Variants in CYFIP1 observed in about 807,000 individuals in gnomAD.
CYFIP1 encodes the protein cytoplasmic FMR1 interacting protein 1.
In CYFIP1, 58 loss-of-function variants were observed where a neutral mutation model predicts 163.5. The observed-to-expected ratio is 0.35, with a 90% CI of 0.29 to 0.44. The LOEUF (loss-of-function observed/expected upper bound fraction) is 0.44. Ranked by LOEUF, CYFIP1 falls within the 20% of genes least tolerant of loss-of-function variation. The pLI is 1.00. For missense variants in CYFIP1, 1,338 were observed against 1,653.8 expected (o/e 0.81, Z 3.31); for synonymous variants, 663 against 660.7 (o/e 1.00, Z -0.05).
Position 22,903,735 on chromosome 15 carries a change from G to C in CYFIP1, c.2559C>G (p.Pro853=), listed in dbSNP as rs1342053216. The part of the protein sequence containing the change: ...VFWELNYDFL[P]NYCYNGSTNR... ...TGGTAGAGCCGTTGTAGCAGTAGTT[G>C]GGCAGGAAGTCATAGTTGAGCTCCC... Residue 853 remains proline (P), a synonymous_variant, in exon 22 of 31, where the codon CCC becomes CCG. Transcript: ENST00000617928. The C allele has an allele frequency of 6.2e-7, 1 of 1,613,986 alleles. No individual in the cohort carries two copies. Among genetic ancestry groups the C allele is most frequent in the Admixed American group, 1.7e-5 (1 of 60,026 alleles).
intron 6 of CYFIP1, among the ~76,000 whole-genome samples, chr15:22,939,962 C>T (rs1411684956): frequency 6.6e-6 from 1 of 152,206 alleles, no homozygotes; most frequent in Non-Finnish European, 1.5e-5. Context: ...ACCACACCTC[C>T]CCAGGCCACC....
At chr15:22,871,872 A>T (rs1256691468) in intron 30 of CYFIP1, among the ~76,000 whole-genome samples, 1 of 152,190 alleles carries the variant, frequency 6.6e-6, no homozygotes, top group Admixed American at 6.5e-5. Context: ...CACTGGCCCC[A>T]TGAGACTGAG....
At chr15:22,899,652 TTTCTTTTGTAAATCG>T (rs1566943700) in intron 22 of CYFIP1, among the ~76,000 whole-genome samples, 2 of 152,208 alleles carry the variant, frequency 1.3e-5, no homozygotes. Context: ...ATTAAACCTC[TTTCTTTTGTAAATCG>T]CCCAGCCTCA....
chr15:22,933,113 C>A (rs2061591820), intron 10 of CYFIP1, among the ~76,000 whole-genome samples: 2 of 152,016 alleles, frequency 1.3e-5, no homozygotes, highest in Non-Finnish European at 2.9e-5. Context: ...GGATTACAGG[C>A]ATGAGCCACC....
At chr15:22,936,692 T>C (rs574144949) in intron 9 of CYFIP1, among the ~76,000 whole-genome samples, 9 of 152,176 alleles carry the variant, frequency 5.9e-5, no homozygotes, top group Non-Finnish European at 1.3e-4. Flanking sequence ...CTGCACTGTT[T>C]GGACGCGCCA....
intron 30 of CYFIP1, among the ~76,000 whole-genome samples, chr15:22,871,413 G>T (rs1011800543): frequency 6.6e-6 from 1 of 152,232 alleles, no homozygotes; most frequent in Non-Finnish European, 1.5e-5. Context: ...TATTTTCAGA[G>T]TAAAAGCTCA....
intron 14 of CYFIP1, among the ~76,000 whole-genome samples, chr15:22,918,436 C>T (rs577951532): frequency 3.3e-5 from 5 of 152,242 alleles, no homozygotes; most frequent in African/African-American, 4.8e-5. Flanking sequence ...ACAGGCACCG[C>T]GAGCCTGGGA....
chr15:22,938,598 C>T (rs1054614185), intron 8 of CYFIP1, among the ~76,000 whole-genome samples: 1 of 151,468 alleles, frequency 6.6e-6, no homozygotes, highest in African/African-American at 2.4e-5. Flanking sequence ...GAGCAAAGCC[C>T]TGTCTCAAAA....
intron 21 of CYFIP1, 109 bp downstream of exon 21, chr15:22,909,085 G>A (rs959817570): frequency 1.5e-6 from 2 of 1,363,572 alleles, no homozygotes; most frequent in African/African-American, 1.4e-5. Context: ...ATCTATACAA[G>A]AGGCTTGGTA....
chr15:22,883,909 A>C (rs1050332564), intron 23 of CYFIP1, among the ~76,000 whole-genome samples: 62 of 152,216 alleles, frequency 4.1e-4, no homozygotes, highest in African/African-American at 1.5e-3. Context: ...TGCAGAAGGT[A>C]AAGGGGAAGC....
At chr15:22,938,366 G>A (rs1168221450) in intron 8 of CYFIP1, among the ~76,000 whole-genome samples, 1 of 152,156 alleles carries the variant, frequency 6.6e-6, no homozygotes, top group Non-Finnish European at 1.5e-5. Context: ...CACTTTGCGG[G>A]GGACAAGGCA....
rs778409253 is a variant in CYFIP1, at chr15:22,917,750, C to G, written c.1674+38G>C. The stretch of plus-strand genomic sequence containing the variant: ...GCTCACAGCTCAGGGTGGGTCCCCC[C>G]AGGGAGAGGGTGCAGGCGGGGCTCA... On this transcript the variant is annotated intron_variant, in intron 15 of 30. Transcript: ENST00000617928. This position sits in a 1 kb window ranked among gnomAD's most constrained non-coding sequence, Gnocchi z 4.2. 1.3e-6 allele frequency: 2 copies of G among 1,516,206 alleles called. No homozygotes were observed. The highest frequency in any genetic ancestry group is 4.7e-5 in the East Asian group (2 of 42,438). 93.9% of individuals were successfully genotyped at this position (1,516,206 alleles called of 1,614,324 possible).
rs113263793 is a variant in CYFIP1, at chr15:22,881,978, C to T, written c.2821-42G>A. 9.1e-4 allele frequency: 1,437 copies of T among 1,571,668 alleles called. 10 individuals are homozygous for T. The African/African-American group carries it at 0.012, about 13-fold the overall frequency. On this transcript the variant is annotated intron_variant, in intron 24 of 30. Coordinates refer to ENST00000617928, the MANE Select transcript of CYFIP1 (RefSeq NM_014608.6). ...ACGGGCTGCGTCAGCCACCCCACTC[C>T]GCTCTGCTAACGCCTGTGGCCGGCG...
In CYFIP1 at chr15:22,933,791, T is replaced by C; in HGVS notation, c.992+11A>G. 6.2e-7 allele frequency: 1 copy of C among 1,606,880 alleles called. No individual in the cohort carries two copies. The highest frequency in any genetic ancestry group is 8.5e-7 in the Non-Finnish European group (1 of 1,175,846). ...GAAAGCTCAAACCAGGCAGCTTTCC[T>C]CTCCTCCTACCGAGATTTATTTTCC... On this transcript the variant is annotated intron_variant, in intron 10 of 30. Transcript: ENST00000617928.
At chr15:22,883,442 A>G (rs1244268143) in intron 23 of CYFIP1, among the ~76,000 whole-genome samples, 2 of 152,152 alleles carry the variant, frequency 1.3e-5, no homozygotes, top group African/African-American at 4.8e-5. Flanking sequence ...TGGGAAGGCG[A>G]GGAAGGTAGT....
At chr15:22,924,012 A>G (rs960244129) in intron 13 of CYFIP1, among the ~76,000 whole-genome samples, 2 of 151,990 alleles carry the variant, frequency 1.3e-5, no homozygotes, top group African/African-American at 4.8e-5. Context: ...AAAAGGTAGA[A>G]ATAACCCAAA....
chr15:22,976,180 C>T (rs372425252), intron 1 of CYFIP1, among the ~76,000 whole-genome samples: 6 of 150,342 alleles, frequency 4.0e-5, no homozygotes, highest in African/African-American at 9.8e-5. Context: ...TTTTTTGAGA[C>T]GGAGTCTCGC....
At chr15:22,925,260 C>T (rs968826370) in intron 13 of CYFIP1, among the ~76,000 whole-genome samples, 3 of 152,056 alleles carry the variant, frequency 2.0e-5, no homozygotes, top group African/African-American at 7.2e-5. Context: ...GGAAGAATAG[C>T]CAAGGAAGTC....
chr15:22,895,815 C>T (rs1035896622), intron 22 of CYFIP1, among the ~76,000 whole-genome samples: 26 of 152,306 alleles, frequency 1.7e-4, no homozygotes, highest in African/African-American at 5.5e-4. Context: ...AAAAACTGAA[C>T]ACCACAGCCC....
Sources: gnomAD v4.1 joint callset for allele counts (sites outside exome capture counted in the v4.1 genomes callset) on GRCh38, gnomAD v4.1.1 for gene constraint, Gnocchi (gnomAD v3.1) non-coding constraint, MANE v1.5 for transcripts, NCBI Gene and HGNC (gene_info 2026-07-23, HGNC 2026-07-21) for gene names.